The following TMIGD3 variants were observed in gnomAD, a reference collection of about 807,000 sequenced individuals.
TMIGD3 encodes the protein transmembrane and immunoglobulin domain containing 3, also known as AD026 protein (AD026).
A neutral mutation model predicts 28.1 loss-of-function variants in TMIGD3; 21 were observed. The ratio of observed to expected loss-of-function variants is 0.75; its 90% CI spans 0.53 to 1.08. The LOEUF (loss-of-function observed/expected upper bound fraction) is 1.08, where lower values mean the gene tolerates loss of function less well. Ranked by LOEUF, TMIGD3 falls within the 50% of genes least tolerant of loss-of-function variation. The pLI is 0.00. For synonymous variants in TMIGD3, 151 were observed against 162.1 expected, an observed-to-expected ratio of 0.93 and a Z score of 0.52; for missense variants, 416 against 435.6, an observed-to-expected ratio of 0.96 and a Z score of 0.40.
At chr1:111,512,511 T>G (rs1261247862) in intron 1 of TMIGD3, among the ~76,000 whole-genome samples, 2 of 152,246 alleles carry the variant, frequency 1.3e-5, no homozygotes, top group Non-Finnish European at 2.9e-5. Flanking sequence ...CATTTCCCCC[T>G]TTGATAAATA....
At chr1:111,553,750 A>G (rs112344475) in intron 1 of TMIGD3, among the ~76,000 whole-genome samples, 122 of 151,590 alleles carry the variant, frequency 8.0e-4, no homozygotes, top group Non-Finnish European at 7.2e-4. Flanking sequence ...ATTCCACTCC[A>G]CCCCCTTTTG....
intron 1 of TMIGD3, among the ~76,000 whole-genome samples, chr1:111,537,957 C>G (rs1378804557): frequency 6.6e-6 from 1 of 152,088 alleles, no homozygotes; most frequent in Non-Finnish European, 1.5e-5. Context: ...ACTAAAATGG[C>G]CCTCATGCTA....
intron 1 of TMIGD3, among the ~76,000 whole-genome samples, chr1:111,525,454 A>C (rs1464493387): frequency 6.6e-6 from 1 of 152,232 alleles, no homozygotes; most frequent in Non-Finnish European, 1.5e-5. Context: ...CTTTGCTCTG[A>C]AATCTACTTT....
intron 5 of TMIGD3, 84 bp from the exon 6 acceptor site, chr1:111,483,841 C>G (rs1440501743): frequency 2.0e-5 from 22 of 1,113,266 alleles, no homozygotes; most frequent in Non-Finnish European, 2.7e-5. Context: ...AAGTTCCAAA[C>G]TCTGTCATGG....
chr1:111,497,209 C>G (rs1027991395), intron 1 of TMIGD3, among the ~76,000 whole-genome samples: 2 of 152,172 alleles, frequency 1.3e-5, no homozygotes, highest in African/African-American at 4.8e-5. Flanking sequence ...CTCCCGGGTT[C>G]ACACCATTCT....
chr1:111,521,536 T>C (rs1336813870), intron 1 of TMIGD3, among the ~76,000 whole-genome samples: 2 of 152,216 alleles, frequency 1.3e-5, no homozygotes, highest in African/African-American at 4.8e-5. Context: ...AGACTGAGCA[T>C]CTTCTTATGT....
chr1:111,524,527 C>G (rs979161436), intron 1 of TMIGD3, among the ~76,000 whole-genome samples: 1 of 152,156 alleles, frequency 6.6e-6, no homozygotes, highest in Non-Finnish European at 1.5e-5. Flanking sequence ...CAATTTCCCT[C>G]TAAGCACTGC....
chr1:111,557,286 C>T (rs1657532720), intron 1 of TMIGD3, among the ~76,000 whole-genome samples: 2 of 152,120 alleles, frequency 1.3e-5, no homozygotes, highest in East Asian at 1.9e-4. Flanking sequence ...TGGTGGCTCA[C>T]GCCTGTAATC....
intron 1 of TMIGD3, among the ~76,000 whole-genome samples, chr1:111,524,028 C>CTTTTTTTTT (rs35046603): frequency 4.0e-4 from 43 of 108,788 alleles, no homozygotes; most frequent in East Asian, 1.3e-3. Context: ...TCTTTCTTTT[C>CTTTTTTTTT]TTTTTTTTTT....
intron 2 of TMIGD3, chr1:111,489,629 T>C: frequency 2.6e-6 from 3 of 1,136,576 alleles, no homozygotes; most frequent in Non-Finnish European, 3.3e-6. Flanking sequence ...CCTCCTACCA[T>C]TGCTTGACGG....
At chr1:111,518,923 G>A (rs1184774476) in intron 1 of TMIGD3, among the ~76,000 whole-genome samples, 2 of 148,772 alleles carry the variant, frequency 1.3e-5, no homozygotes, top group African/African-American at 5.2e-5. Flanking sequence ...TTCATTTTTT[G>A]TTTGTTTGTT....
chr1:111,563,811 G>T (rs1339957712), intron 1 of TMIGD3: 1 of 1,559,472 alleles, frequency 6.4e-7, no homozygotes, highest in African/African-American at 1.4e-5. Flanking sequence ...CCCAACCTCT[G>T]CCTCCCAGCA....
chr1:111,543,466 A>G (rs1571451688), intron 1 of TMIGD3, among the ~76,000 whole-genome samples: 2 of 152,200 alleles, frequency 1.3e-5, no homozygotes, highest in Admixed American at 6.5e-5. Flanking sequence ...TAATTGGGTC[A>G]TATCACTCTT....
At chr1:111,513,899 G>T (rs1374280448) in intron 1 of TMIGD3, among the ~76,000 whole-genome samples, 2 of 152,174 alleles carry the variant, frequency 1.3e-5, no homozygotes, top group African/African-American at 4.8e-5. Context: ...ACATCTGCAG[G>T]GAGGCAGGGC....
chr1:111,503,654 T>G, upstream of TMIGD3: 1 of 1,139,320 alleles, frequency 8.8e-7, no homozygotes, highest in South Asian at 2.7e-5. Flanking sequence ...GTGCTGCTGC[T>G]CTTAGTTCCC....
intron 1 of TMIGD3, among the ~76,000 whole-genome samples, chr1:111,524,006 T>C (rs1175943459): frequency 6.7e-6 from 1 of 149,002 alleles, no homozygotes. Context: ...TTACTCTTCT[T>C]GTTTCTTTCT....
At chr1:111,561,668 A>C (rs1248978117) in intron 1 of TMIGD3, among the ~76,000 whole-genome samples, 6 of 152,290 alleles carry the variant, frequency 3.9e-5, no homozygotes, top group African/African-American at 1.4e-4. Flanking sequence ...TCACTACTAT[A>C]GAATTTTTTG....
At chr1:111,490,909 T>C (rs1198459676) in intron 1 of TMIGD3, 147 bp from the exon 2 acceptor site, 2 of 633,776 alleles carry the variant, frequency 3.2e-6, no homozygotes, top group South Asian at 1.9e-5. Context: ...ATGCTCTTCA[T>C]AGACATAAAC....
At chr1:111,519,166 C>T (rs903797571) in intron 1 of TMIGD3, among the ~76,000 whole-genome samples, 1 of 152,010 alleles carries the variant, frequency 6.6e-6, no homozygotes, top group Non-Finnish European at 1.5e-5. Context: ...CTCAAACTCC[C>T]GACCTCAGGT....
Sources: gnomAD v4.1 joint callset for allele counts (sites outside exome capture counted in the v4.1 genomes callset) on GRCh38, gnomAD v4.1.1 for gene constraint, MANE v1.5 for transcripts, NCBI Gene and HGNC (gene_info 2026-07-23, HGNC 2026-07-21) for gene names.